TNFRSF11B: variants seen among roughly 807,000 people sequenced by gnomAD.
TNFRSF11B encodes tumor necrosis factor receptor superfamily member 11B.
Under a neutral mutation model 43.4 loss-of-function variants are expected in TNFRSF11B, and 16 were observed. The ratio of observed to expected loss-of-function variants is 0.37; its 90% CI spans 0.25 to 0.56. TNFRSF11B has a LOEUF of 0.56. Among genes scored for constraint, TNFRSF11B ranks in the 20% least tolerant of loss-of-function variants. TNFRSF11B has a pLI of 0.80. For synonymous variants in TNFRSF11B, 185 were observed against 181.8 expected (o/e 1.02, Z -0.14); for missense variants, 444 against 490.1 (o/e 0.91, Z 0.89).
intron 2 of TNFRSF11B, 127 bp from the exon 3 acceptor site, chr8:118,929,056 C>G (rs1441964727): frequency 1.2e-6 from 1 of 832,234 alleles, no homozygotes; most frequent in East Asian, 2.6e-5. Flanking sequence ...GCACAAAACT[C>G]TAGCATTTTC....
rs1308410964 is a variant in TNFRSF11B, at chr8:118,933,067, C to CTTT, written c.263_264insAAA (p.Lys88dup). On this transcript the variant is annotated inframe_insertion, in exon 2 of 5. Transcript: ENST00000297350. ...ACTCCTGCTTGACGTACTGCAGCTC[C>CTTT]TTGCACACGGGGCTGCAGTATAGAC... is the stretch of plus-strand genomic sequence containing the variant. 4 of 1,614,208 alleles carry CTTT rather than the reference C, an allele frequency of 2.5e-6. No individual in the cohort carries two copies. The Admixed American group carries it at 5.0e-5, about 20-fold the overall frequency.
intron 1 of TNFRSF11B, among the ~76,000 whole-genome samples, chr8:118,941,379 A>G (rs759718440): frequency 1.3e-5 from 2 of 152,194 alleles, no homozygotes; most frequent in Non-Finnish European, 2.9e-5. Flanking sequence ...CTGTTCATCT[A>G]TACAGACCTG....
In TNFRSF11B at chr8:118,933,153, T is replaced by G; in HGVS notation, c.178A>C (p.Thr60Pro). 6.2e-7 allele frequency: 1 copy of G among 1,614,188 alleles called. No homozygotes were observed. Among genetic ancestry groups the G allele is most frequent in the Non-Finnish European group, 8.5e-7 (1 of 1,180,040 alleles). Residue 60 changes from threonine (T) to proline (P), a missense_variant, in exon 2 of 5, where the codon ACC becomes CCC. Thr to Pro is a conservative substitution (Grantham distance 38). Coordinates refer to ENST00000297350, the MANE Select transcript of TNFRSF11B (RefSeq NM_002546.4). ...TGGTCAGGGCAAGGGGCGCACACGGTCTTCCACTTTGCTGTACAGTGTTGT... is the reference window on the plus strand; with the variant it reads ...TGGTCAGGGCAAGGGGCGCACACGGGCTTCCACTTTGCTGTACAGTGTTGT... ...LKQHCTAKWK[T>P]VCAPCPDHYY...
intron 1 of TNFRSF11B, among the ~76,000 whole-genome samples, chr8:118,939,621 T>G (rs538916886): frequency 6.6e-6 from 1 of 152,330 alleles, no homozygotes; most frequent in South Asian, 2.1e-4. Flanking sequence ...CATTAATTAC[T>G]GACAGCAGGA....
chr8:118,924,263 G>A lies in TNFRSF11B; in HGVS notation c.*111C>T. 7.6e-7 allele frequency: 1 copy of A among 1,308,428 alleles called. No individual in the cohort carries two copies. The highest frequency in any genetic ancestry group is 1.1e-6 in the Non-Finnish European group (1 of 915,276). 81.1% of individuals were successfully genotyped at this position (1,308,428 alleles called of 1,614,324 possible). A position where few individuals can be genotyped will look rare whatever the true frequency, so the allele number is the denominator to read the frequency against. On this transcript the variant is annotated 3_prime_UTR_variant, in exon 5 of 5. Coordinates refer to ENST00000297350, the MANE Select transcript of TNFRSF11B (RefSeq NM_002546.4). Reference sequence around the variant, plus strand: ...CTTTTAGTACCCTGTGGCAAAATTAGTCACTGGTAATGAGAAAGATATCAC... The same window carrying A: ...CTTTTAGTACCCTGTGGCAAAATTAATCACTGGTAATGAGAAAGATATCAC...
chr8:118,942,915 A>G (rs1812508576), intron 1 of TNFRSF11B, among the ~76,000 whole-genome samples: 1 of 152,038 alleles, frequency 6.6e-6, no homozygotes, highest in African/African-American at 2.4e-5. Flanking sequence ...CTATCCATCT[A>G]CCTACCTTCC....
chr8:118,932,783 C>G (rs1812347406), intron 2 of TNFRSF11B, 148 bp downstream of exon 2: 4 of 1,008,442 alleles, frequency 4.0e-6, no homozygotes, highest in African/African-American at 3.2e-5. Context: ...TGGAAGCACT[C>G]CAGACACATA....
chr8:118,938,597 A>C (rs1812435479), intron 1 of TNFRSF11B, among the ~76,000 whole-genome samples: 3 of 152,188 alleles, frequency 2.0e-5, no homozygotes. Context: ...TAAGCCCTAA[A>C]GTGCTTAATT....
At chr8:118,931,632 T>G (rs11573909) in intron 2 of TNFRSF11B, among the ~76,000 whole-genome samples, 15,021 of 152,218 alleles carry the variant, frequency 0.099, 869 homozygotes, top group South Asian at 0.14. Context: ...AATTCCTCCC[T>G]CAAATACTCA....
chr8:118,935,677 C>G (rs1276211954), intron 1 of TNFRSF11B, among the ~76,000 whole-genome samples: 1 of 152,046 alleles, frequency 6.6e-6, no homozygotes, highest in Non-Finnish European at 1.5e-5. Flanking sequence ...ATGAGGATTT[C>G]CTGATTCAAC....
intron 1 of TNFRSF11B, among the ~76,000 whole-genome samples, chr8:118,945,205 C>T (rs1486728017): frequency 6.6e-6 from 1 of 152,100 alleles, no homozygotes; most frequent in Non-Finnish European, 1.5e-5. Flanking sequence ...TATTTTAAAA[C>T]ATTCCTATAA....
chr8:118,930,942 T>G (rs1444710163), intron 2 of TNFRSF11B, among the ~76,000 whole-genome samples: 2 of 152,216 alleles, frequency 1.3e-5, no homozygotes, highest in African/African-American at 4.8e-5. Context: ...TGATGGTACT[T>G]TTTATGAAAA....
At chr8:118,940,187 G>A (rs1014530332) in intron 1 of TNFRSF11B, among the ~76,000 whole-genome samples, 3 of 152,162 alleles carry the variant, frequency 2.0e-5, no homozygotes, top group Admixed American at 6.5e-5. Flanking sequence ...TCGTGGGGTG[G>A]GGGGAGCAGG....
chr8:118,927,886 A>G (rs1812268663), intron 3 of TNFRSF11B, among the ~76,000 whole-genome samples: 1 of 152,188 alleles, frequency 6.6e-6, no homozygotes, highest in African/African-American at 2.4e-5. Flanking sequence ...AATGCATTCG[A>G]ATAACCTGAA....
intron 1 of TNFRSF11B, among the ~76,000 whole-genome samples, chr8:118,947,117 G>A (rs889160794): frequency 6.6e-6 from 1 of 152,130 alleles, no homozygotes; most frequent in Admixed American, 6.6e-5. Flanking sequence ...CTTTATAGTA[G>A]GAATATATAA....
At chr8:118,930,784 T>C in intron 2 of TNFRSF11B, 1 of 448,164 alleles carries the variant, frequency 2.2e-6, no homozygotes, top group Admixed American at 2.4e-5. Context: ...GAGAAGTTCA[T>C]ATGTGTCAGA....
Position 118,926,487 on chromosome 8 carries a change from A to T in TNFRSF11B, c.817+7T>A. ...CTGATTGATCTTTTTATTTTAGATT[A>T]TCATACCTTGGATGATCTTCTTGAC... On this transcript the variant is annotated splice_region_variant and intron_variant, in intron 4 of 4. Coordinates refer to ENST00000297350, the MANE Select transcript of TNFRSF11B (RefSeq NM_002546.4). 1.2e-6 allele frequency: 2 copies of T among 1,608,928 alleles called. No individual in the cohort carries two copies. The highest frequency in any genetic ancestry group is 2.7e-5 in the African/African-American group (2 of 74,940).
chr8:118,926,310 C>T (rs1812243008), intron 4 of TNFRSF11B, among the ~76,000 whole-genome samples, 184 bp downstream of exon 4: 1 of 152,120 alleles, frequency 6.6e-6, no homozygotes, highest in African/African-American at 2.4e-5. Flanking sequence ...AGAACAAAAC[C>T]TTGTATAACT....
chr8:118,948,257 C>G (rs368473776), intron 1 of TNFRSF11B, among the ~76,000 whole-genome samples: 7 of 152,204 alleles, frequency 4.6e-5, no homozygotes, highest in African/African-American at 1.7e-4. Context: ...ATCACTGTTT[C>G]CCTTCAATAT....
Sources: gnomAD v4.1 joint callset for allele counts (sites outside exome capture counted in the v4.1 genomes callset) on GRCh38, gnomAD v4.1.1 for gene constraint, MANE v1.5 for transcripts, NCBI Gene and HGNC (gene_info 2026-07-23, HGNC 2026-07-21) for gene names.